The following SPIDR variants were observed in gnomAD, a reference collection of about 807,000 sequenced individuals.
SPIDR encodes DNA repair-scaffolding protein.
A neutral mutation model predicts 104.6 loss-of-function variants in SPIDR; 93 were observed. The ratio of observed to expected loss-of-function variants is 0.89; its 90% CI spans 0.75 to 1.06. The LOEUF is 1.06. Ranked by LOEUF, SPIDR falls within the 50% of genes least tolerant of loss-of-function variation. The probability of loss-of-function intolerance (pLI) is 0.00; values close to 1 mark genes in which losing one functional copy is unlikely to be tolerated. For synonymous variants in SPIDR, 431 were observed against 416.9 expected, an observed-to-expected ratio of 1.03 and a Z score of -0.41; for missense variants, 1,154 against 1,111.2, an observed-to-expected ratio of 1.04 and a Z score of -0.55.
chr8:47,565,387 A>G (rs1032916897), intron 8 of SPIDR, among the ~76,000 whole-genome samples: 6 of 152,248 alleles, frequency 3.9e-5, no homozygotes, highest in African/African-American at 1.4e-4. Context: ...GTTCTAAAGT[A>G]TATCTAAGGA....
At chr8:47,652,404 A>G (rs573025204) in intron 10 of SPIDR, among the ~76,000 whole-genome samples, 18 of 152,328 alleles carry the variant, frequency 1.2e-4, no homozygotes, top group Admixed American at 5.9e-4. Context: ...TGGAAAGGGC[A>G]GGCTGGGCAG....
intron 8 of SPIDR, among the ~76,000 whole-genome samples, chr8:47,463,378 A>G (rs1011430233): frequency 4.6e-5 from 7 of 152,018 alleles, no homozygotes; most frequent in African/African-American, 1.7e-4. Flanking sequence ...AAAAAGGAAA[A>G]GAAAAAACCT....
chr8:47,728,447 A>T (rs971019137), intron 17 of SPIDR, among the ~76,000 whole-genome samples: 2 of 151,978 alleles, frequency 1.3e-5, no homozygotes, highest in African/African-American at 4.8e-5. Context: ...CATCTCAAAG[A>T]AAAGGAAAAA....
chr8:47,360,893 T>C (rs1554629544), intron 5 of SPIDR: 1 of 985,340 alleles, frequency 1.0e-6, no homozygotes, highest in Non-Finnish European at 1.2e-6. Flanking sequence ...GCTTTGGTGC[T>C]GTTTGTGTTC....
chr8:47,363,546 C>T (rs1049366085), intron 5 of SPIDR, among the ~76,000 whole-genome samples: 3 of 151,468 alleles, frequency 2.0e-5, no homozygotes, highest in South Asian at 2.1e-4. Context: ...TCAGACTCTT[C>T]ACTCTCCTAG....
intron 8 of SPIDR, among the ~76,000 whole-genome samples, chr8:47,468,469 G>C (rs933771755): frequency 6.6e-6 from 1 of 152,194 alleles, no homozygotes; most frequent in East Asian, 1.9e-4. Context: ...CAGGGCTGCA[G>C]TAACAAAGAC....
intron 11 of SPIDR, among the ~76,000 whole-genome samples, chr8:47,696,508 T>G (rs1319151633): frequency 2.0e-5 from 3 of 152,226 alleles, no homozygotes; most frequent in Non-Finnish European, 4.4e-5. Context: ...CTTTGTAAAT[T>G]TTTCTTTACA....
chr8:47,408,923 C>T (rs1188944458), intron 7 of SPIDR, among the ~76,000 whole-genome samples: 2 of 152,218 alleles, frequency 1.3e-5, no homozygotes, highest in Non-Finnish European at 2.9e-5. Context: ...CATGATGGCT[C>T]ACGCCTGTAA....
At chr8:47,463,137 T>G (rs1435553897) in intron 8 of SPIDR, among the ~76,000 whole-genome samples, 2 of 151,986 alleles carry the variant, frequency 1.3e-5, no homozygotes, top group Non-Finnish European at 2.9e-5. Flanking sequence ...GGCAAGCGGA[T>G]CATGAGGTCA....
chr8:47,572,865 C>G (rs1435352946), intron 8 of SPIDR, among the ~76,000 whole-genome samples: 1 of 152,012 alleles, frequency 6.6e-6, no homozygotes, highest in African/African-American at 2.4e-5. Context: ...TCTCATGGAC[C>G]AGGGGCAGTG....
At chr8:47,287,134 C>A (rs1373187093) in intron 3 of SPIDR, among the ~76,000 whole-genome samples, 1 of 152,016 alleles carries the variant, frequency 6.6e-6, no homozygotes, top group Non-Finnish European at 1.5e-5. Context: ...TTAAGGACTT[C>A]AAAAGGGGAG....
chr8:47,322,194 A>G (rs530694012), intron 5 of SPIDR, among the ~76,000 whole-genome samples: 3 of 152,232 alleles, frequency 2.0e-5, no homozygotes, highest in Non-Finnish European at 4.4e-5. Flanking sequence ...CAGTCTGCTC[A>G]TCTGACAAAG....
At chr8:47,467,974 A>G (rs2075158183) in intron 8 of SPIDR, among the ~76,000 whole-genome samples, 1 of 152,202 alleles carries the variant, frequency 6.6e-6, no homozygotes, top group Non-Finnish European at 1.5e-5. Flanking sequence ...TCTTGGGCCC[A>G]AAAGCTCCTT....
chr8:47,485,696 CA>C (rs782231857), intron 8 of SPIDR, among the ~76,000 whole-genome samples: 56 of 152,338 alleles, frequency 3.7e-4, no homozygotes, highest in Non-Finnish European at 7.2e-4. Flanking sequence ...TGCCGTTCTG[CA>C]ATATTGTCTG....
At chr8:47,319,144 A>G (rs2045996946) in intron 5 of SPIDR, among the ~76,000 whole-genome samples, 1 of 152,182 alleles carries the variant, frequency 6.6e-6, no homozygotes. Context: ...AAAGACACAG[A>G]CTGGCAAATT....
intron 7 of SPIDR, among the ~76,000 whole-genome samples, chr8:47,435,374 CA>C (rs1373706135): frequency 1.3e-5 from 2 of 151,660 alleles, no homozygotes; most frequent in Non-Finnish European, 2.9e-5. Flanking sequence ...TTGTTTAAAA[CA>C]AAAGACTTTT....
At position 47,379,614 on chromosome 8, in the gene SPIDR, G is replaced by GA. The variant is rs1373946297; in HGVS notation, c.526-16759dup. 4.6e-5 allele frequency among the ~76,000 whole-genome samples: 7 copies of GA among 152,266 alleles called. No individual in the cohort carries two copies. In the East Asian group the frequency reaches 1.3e-3, roughly 29 times the overall value. On this transcript the variant is annotated intron_variant, in intron 5 of 19. Coordinates refer to ENST00000297423, the MANE Select transcript of SPIDR (RefSeq NM_001080394.4). ...AGAATTCAGCTCCATGAGGTACAGT[G>GA]AAACACTGGTTAAATTGTGGCTAAA...
intron 14 of SPIDR, among the ~76,000 whole-genome samples, chr8:47,702,329 C>G (rs1230551600): frequency 6.6e-6 from 1 of 152,118 alleles, no homozygotes; most frequent in Non-Finnish European, 1.5e-5. Context: ...CAACCCTGTC[C>G]CCAAAGCTTC....
At chr8:47,412,436 A>AT (rs1264929060) in intron 7 of SPIDR, among the ~76,000 whole-genome samples, 2 of 152,230 alleles carry the variant, frequency 1.3e-5, no homozygotes, top group African/African-American at 4.8e-5. Context: ...GCTGGCGGTC[A>AT]TTCTCTGTGT....
Sources: allele counts gnomAD v4.1 joint callset (sites outside exome capture counted in the v4.1 genomes callset), GRCh38; gene constraint gnomAD v4.1.1; transcripts MANE v1.5; gene names NCBI Gene and HGNC (gene_info 2026-07-23, HGNC 2026-07-21).